The following STARD13 variants were observed in gnomAD, a reference collection of about 807,000 sequenced individuals.
STARD13 encodes the protein StAR related lipid transfer domain containing 13, also known as stAR-related lipid transfer protein 13.
A neutral mutation model predicts 106.4 loss-of-function variants in STARD13; 62 were observed. That is an observed-to-expected ratio of 0.58 (90% CI 0.48 to 0.72). The LOEUF (loss-of-function observed/expected upper bound fraction) is 0.72. STARD13 is among the 30% of genes least tolerant of loss of function. The pLI is 0.00. For synonymous variants in STARD13, 565 were observed against 553.0 expected, an observed-to-expected ratio of 1.02 and a Z score of -0.31; for missense variants, 1,387 against 1,424.0, an observed-to-expected ratio of 0.97 and a Z score of 0.42.
the STARD13 span, among the ~76,000 whole-genome samples, chr13:33,531,966 A>G: frequency 1.3e-5 from 2 of 152,158 alleles, no homozygotes; most frequent in Non-Finnish European, 2.9e-5. Context: ...AAACACTGTA[A>G]AAGGTTTTGC....
the STARD13 span, among the ~76,000 whole-genome samples, chr13:33,374,020 A>T: frequency 6.6e-6 from 1 of 152,198 alleles, no homozygotes; most frequent in African/African-American, 2.4e-5. Flanking sequence ...CAAGAACCAA[A>T]ATGTGGAAGA....
chr13:33,381,558 G>A, the STARD13 span, among the ~76,000 whole-genome samples: 3 of 152,034 alleles, frequency 2.0e-5, no homozygotes, highest in South Asian at 6.2e-4. Flanking sequence ...TGACCAACAT[G>A]ATGAAACCCC....
intron 1 of STARD13, chr13:33,185,777 C>T (rs1196422825): frequency 8.5e-7 from 1 of 1,182,316 alleles, no homozygotes; most frequent in Non-Finnish European, 1.2e-6. Context: ...CATGTCCTTC[C>T]AGACCACCTG....
At chr13:33,409,841 T>G in the STARD13 span, among the ~76,000 whole-genome samples, 1 of 152,252 alleles carries the variant, frequency 6.6e-6, no homozygotes, top group Non-Finnish European at 1.5e-5. Context: ...TAACTGGAAG[T>G]GCAAATACCT....
intron 7 of STARD13, among the ~76,000 whole-genome samples, chr13:33,120,190 G>A (rs1277683103): frequency 6.6e-6 from 1 of 152,210 alleles, no homozygotes; most frequent in African/African-American, 2.4e-5. Context: ...TAACAGCAGA[G>A]AAATGTTGAT....
At chr13:33,543,620 T>C in the STARD13 span, among the ~76,000 whole-genome samples, 1 of 152,188 alleles carries the variant, frequency 6.6e-6, no homozygotes, top group East Asian at 1.9e-4. Context: ...ACTTGACTCT[T>C]TGATTGTATT....
chr13:33,130,121 C>T lies in STARD13; in HGVS notation c.556G>A (p.Val186Ile), dbSNP rs546620092. The T allele has an allele frequency of 2.5e-5, 41 of 1,614,036 alleles. 1 individual carries two copies. Among genetic ancestry groups the T allele is most frequent in the South Asian group, 8.8e-5 (8 of 91,048 alleles). The change falls in exon 5 of 14, where the codon GTC becomes ATC. Residue 186 changes from valine (V) to isoleucine (I), a missense_variant. Transcript: ENST00000336934. The surrounding 1 kb of genome is among the most constrained non-coding windows in gnomAD (Gnocchi z 4.1). ...TCAGGCTCGCTCAGGTCTGTGAGGA[C>T]GCTCTCACTGCTGGTCGTGTTCCTC... ...GMRNTTSSES[V>I]LTDLSEPEVC...
At chr13:33,416,395 A>G in the STARD13 span, among the ~76,000 whole-genome samples, 2 of 152,244 alleles carry the variant, frequency 1.3e-5, no homozygotes, top group Non-Finnish European at 2.9e-5. Context: ...CAAATGAGAT[A>G]AGGAACTGTA....
intron 3 of STARD13, chr13:33,158,469 TCTGCCTACC>T (rs1159827318): frequency 6.6e-6 from 1 of 152,264 alleles, no homozygotes; most frequent in Non-Finnish European, 1.5e-5. Flanking sequence ...CCCATCTTCA[TCTGCCTACC>T]TGGCAGAAGC....
chr13:33,642,540 A>G, the STARD13 span, among the ~76,000 whole-genome samples: 2 of 152,204 alleles, frequency 1.3e-5, no homozygotes, highest in African/African-American at 4.8e-5. Context: ...GCTTCCAAAC[A>G]TTCCAAGGGG....
At chr13:33,517,079 G>C in the STARD13 span, among the ~76,000 whole-genome samples, 3 of 152,002 alleles carry the variant, frequency 2.0e-5, no homozygotes, top group Admixed American at 6.6e-5. Flanking sequence ...AATTATACCT[G>C]TTCCTTTTAC....
the STARD13 span, among the ~76,000 whole-genome samples, chr13:33,435,735 C>A: frequency 6.6e-6 from 1 of 152,124 alleles, no homozygotes; most frequent in African/African-American, 2.4e-5. Flanking sequence ...TTTTATCTCA[C>A]TTTATCTTTG....
chr13:33,651,683 C>T, the STARD13 span, among the ~76,000 whole-genome samples: 1 of 152,240 alleles, frequency 6.6e-6, no homozygotes, highest in Non-Finnish European at 1.5e-5. Flanking sequence ...GTGTTACTCT[C>T]ATCTGGAGGT....
the STARD13 span, among the ~76,000 whole-genome samples, chr13:33,501,667 T>C: frequency 6.6e-6 from 1 of 152,196 alleles, no homozygotes; most frequent in Non-Finnish European, 1.5e-5. Flanking sequence ...CTTGTTTTTG[T>C]CAGATTTGTC....
chr13:33,188,084 A>G (rs940263762), intron 1 of STARD13: 3 of 152,236 alleles, frequency 2.0e-5, no homozygotes, highest in African/African-American at 4.8e-5. Context: ...TTGCTGGGCC[A>G]TGGGAAAGAG....
At chr13:33,453,287 C>T in the STARD13 span, among the ~76,000 whole-genome samples, 3 of 152,154 alleles carry the variant, frequency 2.0e-5, no homozygotes, top group Admixed American at 6.6e-5. Context: ...CCTCTTGGTC[C>T]CTGGCTTGTT....
chr13:33,586,662 G>A, the STARD13 span, among the ~76,000 whole-genome samples: 10 of 152,148 alleles, frequency 6.6e-5, no homozygotes, highest in Non-Finnish European at 1.3e-4. Context: ...CCAGTGATCT[G>A]ATCTTTTCCT....
the STARD13 span, among the ~76,000 whole-genome samples, chr13:33,403,981 C>T: frequency 6.6e-6 from 1 of 152,168 alleles, no homozygotes; most frequent in African/African-American, 2.4e-5. Flanking sequence ...ATTAATAGGG[C>T]AGTTCTATTA....
At chr13:33,492,595 A>G in the STARD13 span, among the ~76,000 whole-genome samples, 44 of 152,334 alleles carry the variant, frequency 2.9e-4, no homozygotes, top group South Asian at 8.7e-3. Context: ...CCTCACTGCT[A>G]CACTTCCATC....
Sources: gnomAD v4.1 joint callset for allele counts (sites outside exome capture counted in the v4.1 genomes callset) on GRCh38, gnomAD v4.1.1 for gene constraint, Gnocchi (gnomAD v3.1) non-coding constraint, MANE v1.5 for transcripts, NCBI Gene and HGNC (gene_info 2026-07-23, HGNC 2026-07-21) for gene names.